The following PDCD2L variants were observed in gnomAD, a reference collection of about 807,000 sequenced individuals.
PDCD2L encodes uS5 assembly chaperone PDCD2L.
In PDCD2L, 44 loss-of-function variants were observed where a neutral mutation model predicts 40.4. The ratio of observed to expected loss-of-function variants is 1.09; its 90% CI spans 0.86 to 1.40. The LOEUF (loss-of-function observed/expected upper bound fraction) is 1.40, where lower values mean the gene tolerates loss of function less well. PDCD2L is among the 40% of genes most tolerant of loss of function. The pLI, the probability that PDCD2L is intolerant of heterozygous loss-of-function variation, is 0.00. For synonymous variants in PDCD2L, 194 were observed against 174.6 expected (o/e 1.11, Z -0.88); for missense variants, 470 against 453.7 (o/e 1.04, Z -0.33).
intron 5 of PDCD2L, among the ~76,000 whole-genome samples, chr19:34,420,381 T>C (rs1266439854): frequency 6.6e-6 from 1 of 152,076 alleles, no homozygotes; most frequent in Admixed American, 6.6e-5. Flanking sequence ...ATTTATCATC[T>C]TGTCCATGGG....
chr19:34,411,162 C>CTT (rs766712244), intron 4 of PDCD2L, among the ~76,000 whole-genome samples: 53 of 61,756 alleles, frequency 8.6e-4, no homozygotes, highest in African/African-American at 2.4e-3. Flanking sequence ...GAGTATTCTT[C>CTT]TTTTTTTTTT....
At chr19:34,421,960 T>C (rs2075153569) in intron 6 of PDCD2L, 1 of 195,472 alleles carries the variant, frequency 5.1e-6, no homozygotes, top group African/African-American at 2.4e-5. Context: ...TGGTGGCACG[T>C]GCCTGTAGTC....
chr19:34,405,304 G>A (rs1408131250), intron 3 of PDCD2L, among the ~76,000 whole-genome samples: 3 of 151,420 alleles, frequency 2.0e-5, no homozygotes, highest in Admixed American at 6.6e-5. Flanking sequence ...ATGCCACCAC[G>A]CCCGGCTAAT....
chr19:34,404,443 C>A lies in PDCD2L; in HGVS notation c.13C>A (p.Leu5Met). The A allele has an allele frequency of 6.5e-7, 1 of 1,544,168 alleles. No homozygotes were observed. Among genetic ancestry groups the A allele is most frequent in the African/African-American group, 1.4e-5 (1 of 73,026 alleles). Residue 5 changes from leucine (L) to methionine (M), a missense_variant, in exon 1 of 7, where the codon CTG becomes ATG. Transcript: ENST00000246535. ...TCGCCCGGCGGCCATGGCGGCCGTT[C>A]TGAAGCCGGTGCTGCTGGGCCTTCG... MAAV[L>M]KPVLLGLRDA...
intron 5 of PDCD2L, among the ~76,000 whole-genome samples, chr19:34,419,327 A>AT (rs2075138798): frequency 1.3e-5 from 2 of 151,736 alleles, no homozygotes; most frequent in Non-Finnish European, 2.9e-5. Context: ...TGCCTGGCTA[A>AT]TTTTTTGTAG....
At chr19:34,422,635 TAA>T (rs959852041) in intron 6 of PDCD2L, among the ~76,000 whole-genome samples, 1 of 151,896 alleles carries the variant, frequency 6.6e-6, no homozygotes, top group African/African-American at 2.4e-5. Context: ...ATATGGTAAT[TAA>T]AAGTCTTAGA....
chr19:34,406,301 G>A (rs1205525761), intron 3 of PDCD2L, among the ~76,000 whole-genome samples: 1 of 152,150 alleles, frequency 6.6e-6, no homozygotes, highest in Non-Finnish European at 1.5e-5. Context: ...AATGAAGCTA[G>A]TTAATGCATT....
In PDCD2L at chr19:34,421,497, GTTCT is replaced by G. The variant is rs2075150760; in HGVS notation, c.798-19_798-16del. 1.2e-6 allele frequency: 2 copies of G among 1,612,694 alleles called. No homozygotes were observed. The highest frequency in any genetic ancestry group is 1.7e-6 in the Non-Finnish European group (2 of 1,179,150). On this transcript the variant is annotated intron_variant, in intron 5 of 6. Coordinates refer to ENST00000246535, the MANE Select transcript of PDCD2L (RefSeq NM_032346.2). ...GCGACTTGTGTGGCTCTGATTCGGGGTTCTTTGTTTCCTTGTCCTAGGTATTCCT... is the reference window on the plus strand; with the variant it reads ...GCGACTTGTGTGGCTCTGATTCGGGGTTGTTTCCTTGTCCTAGGTATTCCT...
rs146212339 is a variant in PDCD2L at position 34,409,290 on chromosome 19, G to T, written c.466G>T (p.Val156Leu). Reference protein sequence around the residue: ...FGNDASSAKDVDWTARLQDLR... With the variant: ...FGNDASSAKDLDWTARLQDLR... ...GAATGATGCCAGCAGTGCCAAAGAC[G>T]TAGACTGGACTGCTCGGCTCCAAGA... is the stretch of plus-strand genomic sequence containing the variant. Residue 156 changes from valine (V) to leucine (L), a missense_variant, in exon 4 of 7, where the codon GTA becomes TTA. Transcript: ENST00000246535. 6.2e-7 allele frequency: 1 copy of T among 1,614,004 alleles called. No homozygotes were observed. The highest frequency in any genetic ancestry group is 2.2e-5 in the East Asian group (1 of 44,882).
At chr19:34,405,120 C>A in intron 3 of PDCD2L, 130 bp downstream of exon 3, 2 of 733,558 alleles carry the variant, frequency 2.7e-6, no homozygotes, top group Non-Finnish European at 4.2e-6. Flanking sequence ...TTCTGAAGAA[C>A]CATAAAATGC....
At chr19:34,411,487 C>T (rs549095660) in intron 4 of PDCD2L, among the ~76,000 whole-genome samples, 84 of 151,986 alleles carry the variant, frequency 5.5e-4, no homozygotes, top group African/African-American at 1.9e-3. Context: ...CCACGTGATC[C>T]GCCCACCTCG....
chr19:34,404,639 G>T lies in PDCD2L; in HGVS notation c.109-10G>T. On this transcript the variant is annotated splice_polypyrimidine_tract_variant and intron_variant, in intron 1 of 6. Coordinates refer to ENST00000246535, the MANE Select transcript of PDCD2L (RefSeq NM_032346.2). ...GAGTCGGGGTCTGAGCGCCTCCTCT[G>T]TCCCCTCAGGATGCTCTGCCCACCG... 1 of 1,609,096 alleles carries T rather than the reference G, an allele frequency of 6.2e-7. No individual in the cohort carries two copies. Among genetic ancestry groups the T allele is most frequent in the African/African-American group, 1.3e-5 (1 of 75,022 alleles).
rs763351139 is a variant in PDCD2L at position 34,421,590 on chromosome 19, GC to G, written c.871del (p.Gln291SerfsTer25). The G allele has an allele frequency of 1.6e-4, 258 of 1,614,024 alleles. No individual in the cohort carries two copies. Among genetic ancestry groups the G allele is most frequent in the Non-Finnish European group, 2.1e-4 (247 of 1,180,012 alleles). ...TSEVTELPAC[S>X]QCGGQRIFEF... Reference sequence around the variant, plus strand: ...GAAGTCACCGAGCTCCCAGCCTGCAGCCAGTGTGGAGGCCAAAGGATATTTG... The same window carrying G: ...GAAGTCACCGAGCTCCCAGCCTGCAGCAGTGTGGAGGCCAAAGGATATTTG... On this transcript the variant is annotated frameshift_variant, in exon 6 of 7. Transcript: ENST00000246535. LOFTEE classifies it high-confidence loss of function.
intron 4 of PDCD2L, 42 bp downstream of exon 4, chr19:34,409,552 G>A: frequency 1.9e-6 from 3 of 1,552,240 alleles, no homozygotes; most frequent in Non-Finnish European, 2.6e-6. Flanking sequence ...GACTGGATTG[G>A]GAAGCAGCCA....
At chr19:34,405,450 T>C (rs1399330288) in intron 3 of PDCD2L, among the ~76,000 whole-genome samples, 1 of 151,550 alleles carries the variant, frequency 6.6e-6, no homozygotes, top group Non-Finnish European at 1.5e-5. Context: ...CCGGCCTTTC[T>C]TAAGGTTTTG....
At position 34,409,195 on chromosome 19, in the gene PDCD2L, G is replaced by A. The variant is rs1352190766; in HGVS notation, c.371G>A (p.Cys124Tyr). Reference protein sequence around the residue: ...QGNSLAAEDWCEGADDWGSDT... With the variant: ...QGNSLAAEDWYEGADDWGSDT... ...AACAGCCTTGCAGCTGAGGACTGGT[G>A]TGAAGGTGCTGATGACTGGGGAAGT... The change falls in exon 4 of 7, where the codon TGT becomes TAT. Residue 124 changes from cysteine to tyrosine, a missense_variant. Physicochemically the swap from Cys to Tyr is radical, Grantham distance 194. Transcript: ENST00000246535. The A allele has an allele frequency of 2.5e-6, 4 of 1,614,018 alleles. No homozygotes were observed.
chr19:34,404,774 C>G lies in PDCD2L; in HGVS notation c.234C>G (p.Phe78Leu), dbSNP rs2075065384. 6.2e-7 allele frequency: 1 copy of G among 1,608,080 alleles called. No homozygotes were observed. The highest frequency in any genetic ancestry group is 1.3e-5 in the African/African-American group (1 of 74,968). Residue 78 changes from phenylalanine (F) to leucine (L), a missense_variant, in exon 2 of 7, where the codon TTC becomes TTG. Phe to Leu is a conservative substitution (Grantham distance 22). Transcript: ENST00000246535. Reference protein sequence around the residue: ...GSPFHRLLHVFACACPGCSTG... With the variant: ...GSPFHRLLHVLACACPGCSTG... ...CGTTTCACCGTCTGCTGCACGTGTT[C>G]GCGTGCGCCTGCCCCGGCTGTAGCA...
In PDCD2L at chr19:34,421,503, T is replaced by C. The variant is rs776174381; in HGVS notation, c.798-16T>C. ...TGTGTGGCTCTGATTCGGGGTTCTT[T>C]GTTTCCTTGTCCTAGGTATTCCTGG... On this transcript the variant is annotated splice_polypyrimidine_tract_variant and intron_variant, in intron 5 of 6. Transcript: ENST00000246535. 6 of 1,613,072 alleles carry C rather than the reference T, an allele frequency of 3.7e-6. No individual in the cohort carries two copies. In the South Asian group the frequency reaches 6.6e-5, roughly 18 times the overall value.
At chr19:34,411,886 C>G (rs1047812494) in intron 4 of PDCD2L, among the ~76,000 whole-genome samples, 1 of 150,136 alleles carries the variant, frequency 6.7e-6, no homozygotes, top group East Asian at 1.9e-4. Context: ...AACTCCTAAC[C>G]TCAAGTGACC....
Sources: allele counts gnomAD v4.1 joint callset (sites outside exome capture counted in the v4.1 genomes callset), GRCh38; gene constraint gnomAD v4.1.1; transcripts MANE v1.5; gene names NCBI Gene and HGNC (gene_info 2026-07-23, HGNC 2026-07-21).